Variants in FBXL4 observed in about 807,000 individuals in gnomAD.
FBXL4 encodes F-box and leucine rich repeat protein 4.
FBXL4 carries 40 observed loss-of-function variants against 58.9 expected under a neutral mutation model. That is an observed-to-expected ratio of 0.68 (90% confidence interval 0.53 to 0.88). The LOEUF (loss-of-function observed/expected upper bound fraction) is 0.88. Ranked by LOEUF, FBXL4 falls within the 40% of genes least tolerant of loss-of-function variation. The pLI, the probability that FBXL4 is intolerant of heterozygous loss-of-function variation, is 0.00. For missense variants in FBXL4, 676 were observed against 734.4 expected, an observed-to-expected ratio of 0.92 and a Z score of 0.92; for synonymous variants, 263 against 265.5, an observed-to-expected ratio of 0.99 and a Z score of 0.09.
At chr6:98,935,501 C>T (rs1168319870) in intron 1 of FBXL4, among the ~76,000 whole-genome samples, 1 of 152,080 alleles carries the variant, frequency 6.6e-6, no homozygotes, top group African/African-American at 2.4e-5. Context: ...TAAGAATAAG[C>T]CATCTGGGCC....
chr6:98,910,071 AAAGGGAT>A lies in FBXL4; in HGVS notation c.859-4408_859-4402del, dbSNP rs753628120. On this transcript the variant is annotated intron_variant, in intron 5 of 9. Coordinates refer to ENST00000369244, the MANE Select transcript of FBXL4 (RefSeq NM_001278716.2). ...AATCTGAAATACACATCAATTTGGA[AAAGGGAT>A]ATCTAAGTTGGTTAAAATTTGAGTC... Among the ~76,000 whole-genome samples the A allele has an allele frequency of 5.0e-4, 76 of 152,230 alleles. 3 individuals carry two copies. Among genetic ancestry groups the A allele is most frequent in the Non-Finnish European group, 2.4e-4 (16 of 68,046 alleles).
rs921029561 is a variant in FBXL4 at position 98,926,766 on chromosome 6, T to A, written c.223A>T (p.Met75Leu). The change falls in exon 4 of 10, where the codon ATG becomes TTG. Residue 75 changes from methionine to leucine, a missense_variant. Coordinates refer to ENST00000369244, the MANE Select transcript of FBXL4 (RefSeq NM_001278716.2). ...YGSENSMSYT[M>L]WNLAGVPNVF... ...TTTGGTACACCAGCCAAATTCCACATAGTATAGGACATACTATTCTCACTT... is the reference window on the plus strand; with the variant it reads ...TTTGGTACACCAGCCAAATTCCACAAAGTATAGGACATACTATTCTCACTT... 4 of 1,614,090 alleles carry A rather than the reference T, an allele frequency of 2.5e-6. No homozygotes were observed. Among genetic ancestry groups the A allele is most frequent in the Non-Finnish European group, 3.4e-6 (4 of 1,180,044 alleles).
At chr6:98,892,922 A>G (rs1317904440) in intron 7 of FBXL4, among the ~76,000 whole-genome samples, 1 of 152,130 alleles carries the variant, frequency 6.6e-6, no homozygotes, top group Admixed American at 6.5e-5. Flanking sequence ...GATTCTTTCA[A>G]TTTATGCTCT....
intron 2 of FBXL4, among the ~76,000 whole-genome samples, chr6:98,929,584 A>AAAG (rs1562247349): frequency 1.3e-5 from 2 of 151,582 alleles, no homozygotes; most frequent in African/African-American, 4.9e-5. Context: ...AAAAAAAAAA[A>AAAG]AAAGAAAGAA....
rs775374425 is a variant in FBXL4, at chr6:98,926,971, G to A, written c.18C>T (p.Pro6=). The A allele has an allele frequency of 6.8e-6, 11 of 1,613,562 alleles. No homozygotes were observed. Among genetic ancestry groups the A allele is most frequent in the African/African-American group, 1.3e-5 (1 of 74,860 alleles). The change falls in exon 4 of 10, where the codon CCC becomes CCT. Residue 6 remains proline (P), a synonymous_variant. Coordinates refer to ENST00000369244, the MANE Select transcript of FBXL4 (RefSeq NM_001278716.2). ...AAAACATGGTCAGAACTGTTAACAT[G>A]GGAAAGACCGGTGACATCTAGATGT... The part of the protein sequence containing the change: MSPVF[P]MLTVLTMFYY...
intron 6 of FBXL4, among the ~76,000 whole-genome samples, chr6:98,902,583 C>A (rs1165959451): frequency 1.3e-5 from 2 of 151,696 alleles, no homozygotes; most frequent in African/African-American, 4.8e-5. Context: ...AGAATGTTTC[C>A]TAAAGGAATG....
chr6:98,881,694 G>A (rs1410285575), intron 7 of FBXL4, among the ~76,000 whole-genome samples: 2 of 151,538 alleles, frequency 1.3e-5, no homozygotes, highest in Admixed American at 1.3e-4. Context: ...AGGCCACAGA[G>A]GACTATTATA....
At chr6:98,946,427 CTG>C (rs1773621403) in intron 1 of FBXL4, among the ~76,000 whole-genome samples, 1 of 152,254 alleles carries the variant, frequency 6.6e-6, no homozygotes, top group South Asian at 2.1e-4. Context: ...TTAAAGGACA[CTG>C]TGTTAGATCC....
chr6:98,939,453 A>T (rs1280535135), intron 1 of FBXL4, among the ~76,000 whole-genome samples: 1 of 152,214 alleles, frequency 6.6e-6, no homozygotes, highest in Admixed American at 6.5e-5. Context: ...TGTCTTTCTT[A>T]TAGCAATCCT....
chr6:98,926,898 T>C lies in FBXL4; in HGVS notation c.91A>G (p.Met31Val), dbSNP rs148934429. Residue 31 changes from methionine to valine, a missense_variant, in exon 4 of 10, where the codon ATG becomes GTG. Coordinates refer to ENST00000369244, the MANE Select transcript of FBXL4 (RefSeq NM_001278716.2). ...TCTATAGCTCTATGGGTGTTCATCATTTCTCCTCTTGTAGCTGTCCTGGCT... is the reference window on the plus strand; with the variant it reads ...TCTATAGCTCTATGGGTGTTCATCACTTCTCCTCTTGTAGCTGTCCTGGCT... ...RRARTATRGEMMNTHRAIESN... is the reference protein window; with the variant it reads ...RRARTATRGEVMNTHRAIESN... 3.7e-5 allele frequency: 59 copies of C among 1,614,070 alleles called. No individual in the cohort carries two copies. The highest frequency in any genetic ancestry group is 1.6e-4 in the Middle Eastern group (1 of 6,084).
intron 2 of FBXL4, among the ~76,000 whole-genome samples, chr6:98,930,314 G>T (rs562565386): frequency 6.6e-6 from 1 of 152,334 alleles, no homozygotes; most frequent in South Asian, 2.1e-4. Context: ...CAGCACTTTG[G>T]GAGGCCCAGG....
chr6:98,881,543 G>A (rs1319736411), intron 7 of FBXL4, among the ~76,000 whole-genome samples: 1 of 152,066 alleles, frequency 6.6e-6, no homozygotes, highest in Non-Finnish European at 1.5e-5. Context: ...ACTATCAGTT[G>A]AGGGAAAGGT....
chr6:98,942,907 G>A (rs1401960771), intron 1 of FBXL4, among the ~76,000 whole-genome samples: 1 of 152,102 alleles, frequency 6.6e-6, no homozygotes, highest in African/African-American at 2.4e-5. Flanking sequence ...GGAAAAAATA[G>A]TTAATATGAC....
At chr6:98,929,021 G>T (rs761099223) in intron 2 of FBXL4, among the ~76,000 whole-genome samples, 2 of 152,080 alleles carry the variant, frequency 1.3e-5, no homozygotes, top group South Asian at 4.1e-4. Context: ...TTGAAGGAGG[G>T]AATCTAGCCA....
intron 1 of FBXL4, among the ~76,000 whole-genome samples, chr6:98,947,299 C>A (rs1275134718): frequency 6.6e-6 from 1 of 152,226 alleles, no homozygotes; most frequent in Non-Finnish European, 1.5e-5. Context: ...TAAACCTAAA[C>A]ACAGAAACAA....
chr6:98,879,898 G>A (rs182012), intron 8 of FBXL4, among the ~76,000 whole-genome samples: 23,340 of 143,072 alleles, frequency 0.16, 2,137 homozygotes, highest in African/African-American at 0.26. Context: ...AGTCAAGATC[G>A]CGCCGCTGCA....
At chr6:98,899,508 T>G (rs1287371700) in intron 6 of FBXL4, 27 bp from the exon 7 acceptor site, 1 of 1,595,116 alleles carries the variant, frequency 6.3e-7, no homozygotes, top group South Asian at 1.1e-5. Context: ...CTATGTGAAT[T>G]TTATAAAACT....
intron 4 of FBXL4, among the ~76,000 whole-genome samples, chr6:98,925,519 T>C (rs1383039329): frequency 1.3e-5 from 2 of 152,344 alleles, no homozygotes; most frequent in African/African-American, 4.8e-5. Flanking sequence ...AAGTGACTTA[T>C]GATAAGGTCA....
intron 1 of FBXL4, among the ~76,000 whole-genome samples, chr6:98,943,328 G>A (rs1022334607): frequency 3.3e-5 from 5 of 151,568 alleles, no homozygotes; most frequent in Non-Finnish European, 5.9e-5. Flanking sequence ...ACCCCAGCAC[G>A]TTGGGAGGCC....
Sources: gnomAD v4.1 joint callset for allele counts (sites outside exome capture counted in the v4.1 genomes callset) on GRCh38, gnomAD v4.1.1 for gene constraint, MANE v1.5 for transcripts, NCBI Gene and HGNC (gene_info 2026-07-23, HGNC 2026-07-21) for gene names.